The following MYO10 variants were observed in gnomAD, a reference collection of about 807,000 sequenced individuals.
MYO10 encodes unconventional myosin-X.
In MYO10, 133 loss-of-function variants were observed where a neutral mutation model predicts 257.3. That is an observed-to-expected ratio of 0.52 (90% CI 0.45 to 0.60). MYO10 has a LOEUF of 0.60. Ranked by LOEUF, MYO10 falls within the 20% of genes least tolerant of loss-of-function variation. MYO10 has a pLI of 0.00. For missense variants in MYO10, 2,399 were observed against 2,635.7 expected, an observed-to-expected ratio of 0.91 and a Z score of 1.97; for synonymous variants, 1,104 against 1,028.6, an observed-to-expected ratio of 1.07 and a Z score of -1.40.
In MYO10 at chr5:16,761,482, T is replaced by C. The variant is rs563469103; in HGVS notation, c.1721A>G (p.Asn574Ser). 2.7e-5 allele frequency: 43 copies of C among 1,613,326 alleles called. 1 individual carries two copies. Among genetic ancestry groups the C allele is most frequent in the African/African-American group, 1.7e-4 (13 of 75,022 alleles). Reference sequence around the variant, plus strand: ...GACATACCGGCTTTCTCTTAGCAAATTGAGAAGGTCATCTCGAAATGTATC... The same window carrying C: ...GACATACCGGCTTTCTCTTAGCAAACTGAGAAGGTCATCTCGAAATGTATC... ...NRDTFRDDLL[N>S]LLRESRFDFI... The change falls in exon 17 of 41, where the codon AAT (asparagine) becomes AGT (serine). Residue 574 changes from asparagine (N) to serine (S), a missense_variant. Around this residue, in one of 3 missense-constraint regions of MYO10, gnomAD observed 1,820 missense variants for 1,939.4 expected, o/e 0.94. Transcript: ENST00000513610.
At chr5:16,869,184 C>T (rs2126753903) in intron 2 of MYO10, among the ~76,000 whole-genome samples, 1 of 144,324 alleles carries the variant, frequency 6.9e-6, no homozygotes, top group African/African-American at 2.6e-5. Context: ...ACCACCACAC[C>T]CGGCTAATTT....
intron 3 of MYO10, among the ~76,000 whole-genome samples, chr5:16,811,319 G>A (rs1370057704): frequency 6.6e-6 from 1 of 152,132 alleles, no homozygotes; most frequent in Non-Finnish European, 1.5e-5. Context: ...ATGTCTTTTA[G>A]ATATTACAAA....
intron 19 of MYO10, among the ~76,000 whole-genome samples, chr5:16,741,382 G>A (rs973796246): frequency 6.6e-6 from 1 of 152,186 alleles, no homozygotes; most frequent in Admixed American, 6.5e-5. Context: ...TTCTTGTGCA[G>A]ATTTCTTTAA....
intron 2 of MYO10, among the ~76,000 whole-genome samples, chr5:16,828,195 C>T (rs1743056551): frequency 6.6e-6 from 1 of 152,140 alleles, no homozygotes; most frequent in Non-Finnish European, 1.5e-5. Context: ...TGGCCCACTG[C>T]TGGTGCTACT....
intron 4 of MYO10, among the ~76,000 whole-genome samples, chr5:16,783,673 C>A (rs1039023280): frequency 6.6e-6 from 1 of 152,168 alleles, no homozygotes; most frequent in Non-Finnish European, 1.5e-5. Context: ...TGGCCTTACT[C>A]GCCTCTTTTG....
chr5:16,671,740 CA>C (rs995453533), intron 37 of MYO10, among the ~76,000 whole-genome samples, 198 bp from the exon 38 acceptor site: 31 of 152,126 alleles, frequency 2.0e-4, no homozygotes, highest in African/African-American at 7.0e-4. Context: ...TTTAAGAAAA[CA>C]AACAGGCAGC....
chr5:16,715,585 C>A (rs200386139), intron 19 of MYO10, among the ~76,000 whole-genome samples: 113,752 of 150,968 alleles, frequency 0.75, 43,607 homozygotes, highest in East Asian at 0.82. Context: ...CAGGCATGAG[C>A]CACCTCACCC....
chr5:16,900,929 G>C (rs183077400), intron 1 of MYO10, among the ~76,000 whole-genome samples: 1 of 151,934 alleles, frequency 6.6e-6, no homozygotes, highest in Non-Finnish European at 1.5e-5. Flanking sequence ...TAGTAGAGAC[G>C]AAGTTTCACC....
chr5:16,857,943 A>G (rs1176819162), intron 2 of MYO10, among the ~76,000 whole-genome samples: 2 of 152,222 alleles, frequency 1.3e-5, no homozygotes, highest in Non-Finnish European at 2.9e-5. Flanking sequence ...CTGAAGCACT[A>G]AATATCATAT....
Position 16,702,915 on chromosome 5 carries a change from G to A in MYO10, c.2510+10C>T. The A allele has an allele frequency of 6.5e-7, 1 of 1,547,826 alleles. No homozygotes were observed. Among genetic ancestry groups the A allele is most frequent in the African/African-American group, 1.4e-5 (1 of 72,876 alleles). On this transcript the variant is annotated intron_variant, in intron 23 of 40. Coordinates refer to ENST00000513610, the MANE Select transcript of MYO10 (RefSeq NM_012334.3). Reference sequence around the variant, plus strand: ...CCATTTGTTTCATCCCAGCAAGAAAGGTACTGTACCTTTCTTCTTCCTCCC... The same window carrying A: ...CCATTTGTTTCATCCCAGCAAGAAAAGTACTGTACCTTTCTTCTTCCTCCC...
intron 2 of MYO10, among the ~76,000 whole-genome samples, chr5:16,854,475 T>C (rs551784262): frequency 6.6e-6 from 1 of 152,252 alleles, no homozygotes; most frequent in Non-Finnish European, 1.5e-5. Flanking sequence ...TTGATTCCAT[T>C]TGTAAGAAAT....
At chr5:16,764,158 GAAAA>G (rs1348198553) in intron 12 of MYO10, 88 bp downstream of exon 12, 6 of 1,333,264 alleles carry the variant, frequency 4.5e-6, no homozygotes, top group Non-Finnish European at 5.1e-6. Flanking sequence ...AAAAAAAAAA[GAAAA>G]AAAAAGAGTT....
intron 29 of MYO10, 98 bp from the exon 30 acceptor site, chr5:16,684,033 A>G: frequency 8.9e-7 from 1 of 1,125,396 alleles, no homozygotes; most frequent in Non-Finnish European, 1.3e-6. Flanking sequence ...TCAGACAGAA[A>G]AGGCTCTTTT....
intron 19 of MYO10, chr5:16,738,506 C>T: frequency 1.6e-6 from 1 of 614,172 alleles, no homozygotes; most frequent in Non-Finnish European, 2.0e-6. Context: ...TATTCGCCCT[C>T]ACTTCTCCCT....
chr5:16,809,241 T>C (rs905722138), intron 3 of MYO10, among the ~76,000 whole-genome samples: 2 of 151,376 alleles, frequency 1.3e-5, no homozygotes, highest in African/African-American at 4.9e-5. Flanking sequence ...CAAACTGCAC[T>C]GCGTTCATCT....
chr5:16,680,804 G>C lies in MYO10; in HGVS notation c.4384+505C>G, dbSNP rs770047937. Among the ~76,000 whole-genome samples the C allele has an allele frequency of 6.8e-4, 103 of 152,244 alleles. 1 individual carries two copies. Among genetic ancestry groups the C allele is most frequent in the Non-Finnish European group, 3.1e-4 (21 of 68,018 alleles). On this transcript the variant is annotated intron_variant, in intron 32 of 40. Transcript: ENST00000513610. The stretch of plus-strand genomic sequence containing the variant: ...TCGTACAATGATGGAAAACAGCCTG[G>C]CCCACATGGCAAAACCTGGTCTCCA...
intron 19 of MYO10, among the ~76,000 whole-genome samples, chr5:16,724,654 T>C (rs1223409007): frequency 3.3e-5 from 5 of 152,174 alleles, no homozygotes; most frequent in Non-Finnish European, 7.3e-5. Flanking sequence ...CTCTTCAGTA[T>C]AGTGTTTAAT....
In MYO10 at chr5:16,681,335, G is replaced by A; in HGVS notation, c.4358C>T (p.Pro1453Leu). 4 of 1,612,374 alleles carry A rather than the reference G, an allele frequency of 2.5e-6. No homozygotes were observed. The highest frequency in any genetic ancestry group is 1.3e-5 in the African/African-American group (1 of 74,910). The change falls in exon 32 of 41, where the codon CCA becomes CTA. Residue 1453 changes from proline to leucine, a missense_variant. By Grantham distance (98) the Pro-to-Leu change is moderately conservative. Transcript: ENST00000513610. ...VLNSLCSVVP[P>L]DEKIFKETGY... Reference sequence around the variant, plus strand: ...TGTCTCTTTGAATATCTTCTCATCTGGGGGGACGACAGAGCAGAGGCTGTT... The same window carrying A: ...TGTCTCTTTGAATATCTTCTCATCTAGGGGGACGACAGAGCAGAGGCTGTT...
At chr5:16,718,220 T>G (rs1469151650) in intron 19 of MYO10, among the ~76,000 whole-genome samples, 1 of 152,190 alleles carries the variant, frequency 6.6e-6, no homozygotes, top group Admixed American at 6.5e-5. Flanking sequence ...CAGCCCGCCA[T>G]GCCTGAGCCT....
Sources: gnomAD v4.1 joint callset for allele counts (sites outside exome capture counted in the v4.1 genomes callset) on GRCh38, gnomAD v4.1.1 for gene constraint, gnomAD v4.1.1 regional missense constraint, MANE v1.5 for transcripts, NCBI Gene and HGNC (gene_info 2026-07-23, HGNC 2026-07-21) for gene names.